Variants in FSTL5 observed in about 807,000 individuals in gnomAD.
FSTL5 encodes follistatin like 5.
In FSTL5, 62 loss-of-function variants were observed where a neutral mutation model predicts 89.1. The observed-to-expected ratio is 0.70, with a 90% CI of 0.57 to 0.86. The LOEUF (loss-of-function observed/expected upper bound fraction) is 0.86, where lower values mean the gene tolerates loss of function less well. FSTL5 is among the 40% of genes least tolerant of loss of function. The pLI is 0.00. For synonymous variants in FSTL5, 383 were observed against 346.2 expected (o/e 1.11, Z -1.18); for missense variants, 1,057 against 1,001.6 (o/e 1.06, Z -0.75).
intron 8 of FSTL5, among the ~76,000 whole-genome samples, chr4:161,577,070 C>T (rs976464182): frequency 2.0e-5 from 3 of 152,168 alleles, no homozygotes; most frequent in African/African-American, 7.2e-5. Context: ...AAAAATAACA[C>T]TTCTTTTTAG....
intron 3 of FSTL5, among the ~76,000 whole-genome samples, chr4:161,948,626 T>G (rs1369256436): frequency 6.6e-6 from 1 of 151,732 alleles, no homozygotes; most frequent in East Asian, 1.9e-4. Flanking sequence ...TTTTCTATTA[T>G]TAGTAGAGAT....
chr4:161,561,632 CAAT>C (rs1732605671), intron 8 of FSTL5, among the ~76,000 whole-genome samples: 1 of 150,684 alleles, frequency 6.6e-6, no homozygotes, highest in Non-Finnish European at 1.5e-5. Context: ...AAAAACTGAA[CAAT>C]AATAACAAGG....
At chr4:161,752,158 C>T (rs981454633) in intron 6 of FSTL5, among the ~76,000 whole-genome samples, 6 of 152,010 alleles carry the variant, frequency 3.9e-5, no homozygotes, top group African/African-American at 1.4e-4. Context: ...TAAATCAGTA[C>T]ACTTGAACAA....
intron 8 of FSTL5, among the ~76,000 whole-genome samples, chr4:161,550,829 C>A (rs181669186): frequency 6.6e-6 from 1 of 151,572 alleles, no homozygotes; most frequent in South Asian, 2.1e-4. Flanking sequence ...TGAGAATATG[C>A]GGTGTTTGGT....
chr4:161,479,667 C>T (rs976363364), intron 13 of FSTL5, among the ~76,000 whole-genome samples: 1 of 151,958 alleles, frequency 6.6e-6, no homozygotes, highest in Non-Finnish European at 1.5e-5. Flanking sequence ...AATATCAGAC[C>T]ATTAGATTGT....
At chr4:161,477,994 A>G (rs555455041) in intron 13 of FSTL5, among the ~76,000 whole-genome samples, 1 of 152,160 alleles carries the variant, frequency 6.6e-6, no homozygotes, top group East Asian at 1.9e-4. Flanking sequence ...AATATAATAT[A>G]ATAATTTGGA....
intron 1 of FSTL5, among the ~76,000 whole-genome samples, chr4:162,139,628 T>C (rs746501480): frequency 2.0e-5 from 3 of 152,076 alleles, no homozygotes; most frequent in Non-Finnish European, 4.4e-5. Flanking sequence ...TGAATAGCTA[T>C]ATGAAAAAAA....
intron 8 of FSTL5, among the ~76,000 whole-genome samples, chr4:161,569,881 A>G (rs1436405873): frequency 1.3e-5 from 2 of 152,014 alleles, no homozygotes; most frequent in Non-Finnish European, 2.9e-5. Context: ...TTGTCTAGTG[A>G]ATAAAACCTG....
intron 2 of FSTL5, among the ~76,000 whole-genome samples, chr4:162,046,814 A>G (rs141206749): frequency 3.3e-4 from 50 of 152,296 alleles, no homozygotes; most frequent in African/African-American, 1.2e-3. Context: ...ATGTACACAT[A>G]TGTAAGAATT....
At chr4:162,039,634 A>G (rs1458518665) in intron 2 of FSTL5, among the ~76,000 whole-genome samples, 1 of 152,000 alleles carries the variant, frequency 6.6e-6, no homozygotes, top group Non-Finnish European at 1.5e-5. Context: ...ATGTACAATA[A>G]AGCACATTCA....
intron 10 of FSTL5, among the ~76,000 whole-genome samples, chr4:161,522,448 G>A (rs934091556): frequency 2.0e-5 from 3 of 151,680 alleles, no homozygotes; most frequent in Admixed American, 1.3e-4. Flanking sequence ...GATATAGAAA[G>A]GCTTTTCCTC....
At chr4:161,917,123 T>G (rs1244959269) in intron 4 of FSTL5, among the ~76,000 whole-genome samples, 4 of 152,118 alleles carry the variant, frequency 2.6e-5, no homozygotes, top group Non-Finnish European at 4.4e-5. Flanking sequence ...TGACTAATTT[T>G]TTTGTATTTT....
intron 12 of FSTL5, among the ~76,000 whole-genome samples, chr4:161,484,946 G>A (rs942566307): frequency 2.0e-5 from 3 of 152,014 alleles, no homozygotes; most frequent in African/African-American, 7.2e-5. Flanking sequence ...AATTTGATAT[G>A]ATCCAGAAAC....
intron 4 of FSTL5, among the ~76,000 whole-genome samples, chr4:161,877,788 T>C (rs542161603): frequency 6.6e-6 from 1 of 152,090 alleles, no homozygotes; most frequent in Non-Finnish European, 1.5e-5. Flanking sequence ...ATCGCGCCAC[T>C]GCACTCCAGC....
intron 12 of FSTL5, among the ~76,000 whole-genome samples, chr4:161,494,413 T>TAA (rs1729994565): frequency 1.3e-5 from 2 of 152,128 alleles, no homozygotes; most frequent in Non-Finnish European, 2.9e-5. Flanking sequence ...TGCAGAAGTA[T>TAA]AAGTGGACTA....
intron 4 of FSTL5, among the ~76,000 whole-genome samples, chr4:161,792,883 G>A (rs779738897): frequency 2.6e-5 from 4 of 152,182 alleles, no homozygotes; most frequent in Non-Finnish European, 5.9e-5. Context: ...AACACAAACA[G>A]GGCTGAAACA....
At chr4:161,981,353 T>C (rs1416384724) in intron 3 of FSTL5, among the ~76,000 whole-genome samples, 2 of 152,162 alleles carry the variant, frequency 1.3e-5, no homozygotes, top group Non-Finnish European at 2.9e-5. Flanking sequence ...AATCATGTAT[T>C]TTATACTAAC....
intron 15 of FSTL5, among the ~76,000 whole-genome samples, chr4:161,409,638 C>G (rs925223032): frequency 9.2e-5 from 14 of 152,118 alleles, no homozygotes; most frequent in Non-Finnish European, 2.1e-4. Context: ...CCTTGGCCTC[C>G]CAAAGTGCTG....
chr4:161,926,514 T>C (rs1463447372), intron 3 of FSTL5, among the ~76,000 whole-genome samples: 5 of 151,656 alleles, frequency 3.3e-5, no homozygotes, highest in Non-Finnish European at 7.4e-5. Flanking sequence ...CTGTTTCATG[T>C]TAATGAATGT....
Sources: allele counts gnomAD v4.1 joint callset (sites outside exome capture counted in the v4.1 genomes callset), GRCh38; gene constraint gnomAD v4.1.1; transcripts MANE v1.5; gene names NCBI Gene and HGNC (gene_info 2026-07-23, HGNC 2026-07-21).